The following KLRK1 variants were observed in gnomAD, a reference collection of about 807,000 sequenced individuals.
The protein encoded by KLRK1 is killer cell lectin like receptor K1.
KLRK1 carries 40 observed loss-of-function variants against 31.3 expected under a neutral mutation model. That is an observed-to-expected ratio of 1.28 (90% CI 0.99 to 1.67). KLRK1 has a LOEUF of 1.67. KLRK1 is among the 40% of genes most tolerant of loss of function. The probability of loss-of-function intolerance (pLI) is 0.00; values close to 1 mark genes in which losing one functional copy is unlikely to be tolerated. For synonymous variants in KLRK1, 77 were observed against 77.3 expected (o/e 1.00, Z 0.02); for missense variants, 251 against 260.0 (o/e 0.97, Z 0.24).
chr12:10,378,811 T>G, intron 5 of KLRK1, 106 bp from the exon 6 acceptor site: 2 of 1,286,836 alleles, frequency 1.6e-6, no homozygotes, highest in Non-Finnish European at 2.1e-6. Flanking sequence ...AAATTTCAGA[T>G]TATTAAATTA....
chr12:10,376,130 T>C (rs1487472603), intron 7 of KLRK1, among the ~76,000 whole-genome samples: 1 of 152,230 alleles, frequency 6.6e-6, no homozygotes, highest in Non-Finnish European at 1.5e-5. Flanking sequence ...GGGTAAACAA[T>C]ACTTAGTGCT....
Position 10,372,793 on chromosome 12 carries a change from C to T in KLRK1, c.*321G>A, listed in dbSNP as rs1454941543. On this transcript the variant is annotated 3_prime_UTR_variant, in exon 8 of 8. Transcript: ENST00000240618. ...GATCTGCTGGCCTTCTCTTCCTTCACTGATCCCCTGGGTGTTGGTCCTACC... is the reference window on the plus strand; with the variant it reads ...GATCTGCTGGCCTTCTCTTCCTTCATTGATCCCCTGGGTGTTGGTCCTACC... 3 of 285,648 alleles carry T rather than the reference C, an allele frequency of 1.1e-5. No individual in the cohort carries two copies. The highest frequency in any genetic ancestry group is 1.2e-4 in the Admixed American group (2 of 16,566). The allele number at this position is 285,648 out of a possible 1,614,324, so 17.7% of individuals were successfully genotyped here.
intron 1 of KLRK1, 103 bp from the exon 2 acceptor site, chr12:10,388,978 A>G: frequency 1.5e-6 from 1 of 658,082 alleles, no homozygotes; most frequent in African/African-American, 1.8e-5. Flanking sequence ...TCCCCTGTGC[A>G]TGCCTTTAAG....
intron 6 of KLRK1, among the ~76,000 whole-genome samples, 159 bp downstream of exon 6, chr12:10,378,395 A>G (rs1863004894): frequency 6.6e-6 from 1 of 152,236 alleles, no homozygotes; most frequent in African/African-American, 2.4e-5. Flanking sequence ...TGATACCTAC[A>G]ATTTCTGTGC....
intron 3 of KLRK1, chr12:10,381,710 AC>A (rs1205557651): frequency 6.6e-6 from 1 of 152,198 alleles, no homozygotes; most frequent in Non-Finnish European, 1.5e-5. Context: ...GCAAGAAAAT[AC>A]CTTCAAAAGA....
At chr12:10,388,744 C>A (rs2049797) in intron 2 of KLRK1, 27 bp downstream of exon 2, 1 of 1,613,108 alleles carries the variant, frequency 6.2e-7, no homozygotes, top group Non-Finnish European at 8.5e-7. Flanking sequence ...AAAAACAAAA[C>A]TACACACTTA....
chr12:10,372,884 C>T lies in KLRK1; in HGVS notation c.*230G>A, dbSNP rs757836079. 2.2e-6 allele frequency: 1 copy of T among 452,828 alleles called. No individual in the cohort carries two copies. The highest frequency in any genetic ancestry group is 3.9e-6 in the Non-Finnish European group (1 of 259,350). 28.1% of individuals were successfully genotyped at this position (452,828 alleles called of 1,614,324 possible). On this transcript the variant is annotated 3_prime_UTR_variant, in exon 8 of 8. Coordinates refer to ENST00000240618, the MANE Select transcript of KLRK1 (RefSeq NM_007360.4). ...TCTGGGCTTGTGGTGGGAGAGGCAG[C>T]CTTGGGGATATCTGAATTGCCTTTA...
Position 10,378,863 on chromosome 12 carries a change from G to C in KLRK1, c.278-158C>G, listed in dbSNP as rs955850751. ...AGGCATATCTCTACATATTCATAGAGAGAAGCCAGGCTGGGTGTGGTGTCT... is the reference window on the plus strand; with the variant it reads ...AGGCATATCTCTACATATTCATAGACAGAAGCCAGGCTGGGTGTGGTGTCT... On this transcript the variant is annotated intron_variant, in intron 5 of 7. Transcript: ENST00000240618. The C allele has an allele frequency of 1.5e-5, 13 of 876,894 alleles. No homozygotes were observed. In the Admixed American group the frequency reaches 2.8e-4, roughly 19 times the overall value. The allele number at this position is 876,894 out of a possible 1,614,324, so 54.3% of individuals were successfully genotyped here.
At chr12:10,379,244 A>C (rs1342461113) in intron 5 of KLRK1, 2 of 161,510 alleles carry the variant, frequency 1.2e-5, no homozygotes, top group Non-Finnish European at 2.6e-5. Flanking sequence ...AGAGAGAGAG[A>C]GAGAGAAAGA....
chr12:10,380,345 G>A (rs192245233), intron 3 of KLRK1, among the ~76,000 whole-genome samples: 11 of 152,186 alleles, frequency 7.2e-5, no homozygotes, highest in Non-Finnish European at 1.2e-4. Context: ...GATTACAGGC[G>A]TGAGCCACCG....
At position 10,379,794 on chromosome 12, in the gene KLRK1, T is replaced by G. The variant is rs778717448; in HGVS notation, c.149-2A>C. 6.2e-7 allele frequency: 1 copy of G among 1,609,940 alleles called. No individual in the cohort carries two copies. The highest frequency in any genetic ancestry group is 8.5e-7 in the Non-Finnish European group (1 of 1,178,314). On this transcript the variant is annotated splice_acceptor_variant, in intron 3 of 7. Coordinates refer to ENST00000240618, the MANE Select transcript of KLRK1 (RefSeq NM_007360.4). LOFTEE classifies it high-confidence loss of function. ...AGCAGCAGAAAAAAAATGGAGATGC[T>G]GTCAAAGAAAAAAGACACAGATCAG... is the stretch of plus-strand genomic sequence containing the variant.
At chr12:10,381,692 T>A (rs553280430) in intron 3 of KLRK1, 1 of 152,260 alleles carries the variant, frequency 6.6e-6, no homozygotes, top group East Asian at 1.9e-4. Flanking sequence ...AATTAAATAA[T>A]TATCCATGCA....
intron 7 of KLRK1, among the ~76,000 whole-genome samples, chr12:10,376,910 G>A (rs766959661): frequency 1.3e-5 from 2 of 150,498 alleles, no homozygotes; most frequent in East Asian, 2.0e-4. Context: ...TCCGTCTCCC[G>A]GGTTCAAGCC....
intron 3 of KLRK1, among the ~76,000 whole-genome samples, chr12:10,380,063 T>G (rs1863043251): frequency 2.4e-5 from 2 of 85,106 alleles, no homozygotes; most frequent in Non-Finnish European, 2.6e-5. Flanking sequence ...GTTATTGTTT[T>G]TTTTTTTTTT....
At chr12:10,378,301 A>G in intron 6 of KLRK1, 66 bp from the exon 7 acceptor site, 1 of 1,524,286 alleles carries the variant, frequency 6.6e-7, no homozygotes, top group East Asian at 2.3e-5. Flanking sequence ...ACGCAAGACC[A>G]TAACCATTTC....
At chr12:10,384,064 C>T (rs999045583) in intron 3 of KLRK1, among the ~76,000 whole-genome samples, 2 of 151,866 alleles carry the variant, frequency 1.3e-5, no homozygotes, top group African/African-American at 4.8e-5. Flanking sequence ...AAGTGAAAGA[C>T]CTCTACAATG....
intron 4 of KLRK1, 52 bp downstream of exon 4, chr12:10,379,648 T>C: frequency 2.6e-6 from 4 of 1,511,772 alleles, no homozygotes; most frequent in Non-Finnish European, 3.6e-6. Flanking sequence ...AAATAATACA[T>C]TAGCATTGTT....
chr12:10,387,989 G>T (rs1863199228), intron 2 of KLRK1, among the ~76,000 whole-genome samples: 1 of 152,044 alleles, frequency 6.6e-6, no homozygotes, highest in South Asian at 2.1e-4. Flanking sequence ...ATTTACTGAT[G>T]ATTAATATTT....
At chr12:10,380,975 A>C (rs1204724787) in intron 3 of KLRK1, among the ~76,000 whole-genome samples, 2 of 152,096 alleles carry the variant, frequency 1.3e-5, no homozygotes, top group East Asian at 3.9e-4. Context: ...CCCTGCTGAC[A>C]TTCCACCAAA....
Sources: allele counts gnomAD v4.1 joint callset (sites outside exome capture counted in the v4.1 genomes callset), GRCh38; gene constraint gnomAD v4.1.1; transcripts MANE v1.5; gene names NCBI Gene and HGNC (gene_info 2026-07-23, HGNC 2026-07-21).